FRMD3: variants seen among roughly 807,000 people sequenced by gnomAD.
FRMD3 encodes FERM domain-containing protein 3.
FRMD3 carries 33 observed loss-of-function variants against 70.2 expected under a neutral mutation model. The observed-to-expected ratio is 0.47, with a 90% CI of 0.36 to 0.63. The LOEUF (loss-of-function observed/expected upper bound fraction) is 0.63. Among genes scored for constraint, FRMD3 ranks in the 20% least tolerant of loss-of-function variants. FRMD3 has a pLI of 0.00. For missense variants in FRMD3, 632 were observed against 711.4 expected (o/e 0.89, Z 1.27); for synonymous variants, 279 against 255.9 (o/e 1.09, Z -0.86).
At chr9:83,254,034 A>ATGTG in intron 13 of FRMD3, among the ~76,000 whole-genome samples, 1 of 149,876 alleles carries the variant, frequency 6.7e-6, no homozygotes, top group African/African-American at 2.5e-5. Flanking sequence ...CAAACACCAC[A>ATGTG]TGTTCTCACT....
chr9:83,563,756 G>A, the FRMD3 span, among the ~76,000 whole-genome samples: 4 of 152,072 alleles, frequency 2.6e-5, no homozygotes, highest in African/African-American at 9.7e-5. Flanking sequence ...TTCTACTAAA[G>A]AGGAAAAAAA....
At chr9:83,518,785 A>T (rs1157449878) in intron 1 of FRMD3, among the ~76,000 whole-genome samples, 1 of 152,228 alleles carries the variant, frequency 6.6e-6, no homozygotes, top group African/African-American at 2.4e-5. Context: ...TACTGGTACC[A>T]AAACAGACAT....
At chr9:83,571,225 T>C in the FRMD3 span, among the ~76,000 whole-genome samples, 1 of 152,216 alleles carries the variant, frequency 6.6e-6, no homozygotes, top group African/African-American at 2.4e-5. Context: ...GTGATCTCTT[T>C]GCAAACTTCA....
At chr9:83,456,434 G>A (rs1048925700) in intron 1 of FRMD3, among the ~76,000 whole-genome samples, 8 of 152,198 alleles carry the variant, frequency 5.3e-5, no homozygotes, top group South Asian at 2.1e-4. Flanking sequence ...GAACTGTTGA[G>A]TCAGAGAGAG....
At chr9:83,360,057 C>T (rs1824533532) in intron 3 of FRMD3, among the ~76,000 whole-genome samples, 1 of 152,138 alleles carries the variant, frequency 6.6e-6, no homozygotes, top group Non-Finnish European at 1.5e-5. Context: ...GGGCATGAGA[C>T]AGGTGTGTAT....
chr9:83,424,372 G>A lies in FRMD3; in HGVS notation c.148-34664C>T, dbSNP rs187455349. ...GTGGTTTTCAAAAATTTCAGGGTTC[G>A]AAGCAAAAATATACAGACCACTGAA... On this transcript the variant is annotated intron_variant, in intron 1 of 13. Transcript: ENST00000304195. Among the ~76,000 whole-genome samples, 21 of 152,244 alleles carry A rather than the reference G, an allele frequency of 1.4e-4. No individual in the cohort carries two copies. The East Asian group carries it at 3.9e-3, about 28-fold the overall frequency.
intron 3 of FRMD3, among the ~76,000 whole-genome samples, chr9:83,365,158 G>T (rs1024380615): frequency 8.5e-5 from 13 of 152,120 alleles, no homozygotes; most frequent in African/African-American, 2.9e-4. Flanking sequence ...TTTTGCAAAT[G>T]AGTCTTAAGA....
At chr9:83,417,602 G>A (rs1366528607) in intron 1 of FRMD3, among the ~76,000 whole-genome samples, 2 of 152,336 alleles carry the variant, frequency 1.3e-5, no homozygotes, top group African/African-American at 4.8e-5. Flanking sequence ...TATCCAAGAG[G>A]AGGTGTCTAG....
In FRMD3 at chr9:83,305,432, T is replaced by G. The variant is rs145736410; in HGVS notation, c.926+4104A>C. Among the ~76,000 whole-genome samples the G allele has an allele frequency of 2.0e-5, 3 of 152,292 alleles. No individual in the cohort carries two copies. In the East Asian group the frequency reaches 5.8e-4, roughly 29 times the overall value. On this transcript the variant is annotated intron_variant, in intron 10 of 13. Transcript: ENST00000304195. ...TCATTTCACAGATGAAAAATAAAGA[T>G]GAGGCTCCAAGAGATTAACAGCTTT...
chr9:83,466,825 C>A (rs768354775), intron 1 of FRMD3, among the ~76,000 whole-genome samples: 1 of 152,176 alleles, frequency 6.6e-6, no homozygotes, highest in Non-Finnish European at 1.5e-5. Context: ...AGGTTAACTA[C>A]AAAAGGTCCA....
intron 13 of FRMD3, among the ~76,000 whole-genome samples, chr9:83,255,049 A>G (rs1414890357): frequency 6.6e-6 from 1 of 152,200 alleles, no homozygotes; most frequent in Non-Finnish European, 1.5e-5. Flanking sequence ...GCATCATCCT[A>G]TACCGAAACC....
rs1364927650 is a variant in FRMD3, at chr9:83,378,733, AT to A, written c.253-5779del. ...ATACTTTATATTATATATAATATATATACTTTATATTATATATAATATATAA... is the reference window on the plus strand; with the variant it reads ...ATACTTTATATTATATATAATATATAACTTTATATTATATATAATATATAA... On this transcript the variant is annotated intron_variant, in intron 2 of 13. Coordinates refer to ENST00000304195, the MANE Select transcript of FRMD3 (RefSeq NM_174938.6). 2.3e-3 allele frequency among the ~76,000 whole-genome samples: 277 copies of A among 119,434 alleles called. 4 individuals are homozygous for A. The highest frequency in any genetic ancestry group is 9.8e-3 in the African/African-American group (262 of 26,682). The allele number at this position is 119,434 out of a possible 152,430, so 78.4% of individuals were successfully genotyped here. A position where few individuals can be genotyped will look rare whatever the true frequency, so the allele number is the denominator to read the frequency against.
At chr9:83,343,597 C>T (rs1823851958) in intron 4 of FRMD3, among the ~76,000 whole-genome samples, 1 of 152,214 alleles carries the variant, frequency 6.6e-6, no homozygotes, top group Non-Finnish European at 1.5e-5. Flanking sequence ...CTGGCAGCAG[C>T]TCCCGCACGA....
chr9:83,461,092 T>C (rs546702683), intron 1 of FRMD3, among the ~76,000 whole-genome samples: 2 of 152,284 alleles, frequency 1.3e-5, no homozygotes, highest in Admixed American at 1.3e-4. Flanking sequence ...CTGCAACTCA[T>C]GAATGCCCAA....
chr9:83,261,730 G>T (rs1162492964), intron 13 of FRMD3, among the ~76,000 whole-genome samples: 2 of 152,060 alleles, frequency 1.3e-5, no homozygotes, highest in Non-Finnish European at 2.9e-5. Flanking sequence ...GTGTTCCATG[G>T]TCAGCTAAGT....
the FRMD3 span, among the ~76,000 whole-genome samples, chr9:83,579,140 T>C: frequency 6.6e-6 from 1 of 151,808 alleles, no homozygotes; most frequent in Non-Finnish European, 1.5e-5. Context: ...AAACTACAAA[T>C]CACTGATGAA....
At chr9:83,437,697 G>A (rs1587851966) in intron 1 of FRMD3, among the ~76,000 whole-genome samples, 2 of 152,104 alleles carry the variant, frequency 1.3e-5, no homozygotes, top group South Asian at 4.1e-4. Flanking sequence ...AGCTGAGATT[G>A]AGCCTATAAA....
chr9:83,249,389 T>C (rs547677838), intron 13 of FRMD3, among the ~76,000 whole-genome samples: 1 of 152,312 alleles, frequency 6.6e-6, no homozygotes, highest in Non-Finnish European at 1.5e-5. Context: ...GGGCTAACTC[T>C]GCTAATTTTG....
At chr9:83,547,261 A>T in the FRMD3 span, among the ~76,000 whole-genome samples, 1 of 148,738 alleles carries the variant, frequency 6.7e-6, no homozygotes, top group Middle Eastern at 3.6e-3. Flanking sequence ...TTATTATTAT[A>T]TAATGACCTT....
Sources: gnomAD v4.1 joint callset for allele counts (sites outside exome capture counted in the v4.1 genomes callset) on GRCh38, gnomAD v4.1.1 for gene constraint, MANE v1.5 for transcripts, NCBI Gene and HGNC (gene_info 2026-07-23, HGNC 2026-07-21) for gene names.